APP: variants seen among roughly 807,000 people sequenced by gnomAD.
APP encodes the protein amyloid beta precursor protein, also known as amyloid-beta precursor protein.
A neutral mutation model predicts 101.4 loss-of-function variants in APP; 31 were observed. That is an observed-to-expected ratio of 0.31 (90% CI 0.23 to 0.41). APP has a LOEUF of 0.41. Among genes scored for constraint, APP ranks in the 10% least tolerant of loss-of-function variants. APP has a pLI of 1.00. For missense variants in APP, 839 were observed against 1,003.7 expected (o/e 0.84, Z 2.22); for synonymous variants, 366 against 364.4 (o/e 1.00, Z -0.05).
intron 11 of APP, among the ~76,000 whole-genome samples, chr21:25,968,496 G>A (rs1339232995): frequency 6.6e-6 from 1 of 151,854 alleles, no homozygotes; most frequent in Non-Finnish European, 1.5e-5. Context: ...GCCTATATAT[G>A]TATGACTCTA....
At chr21:26,094,730 TATC>T (rs1030573851) in intron 2 of APP, among the ~76,000 whole-genome samples, 3 of 151,544 alleles carry the variant, frequency 2.0e-5, no homozygotes, top group African/African-American at 7.2e-5. Context: ...TCCTGATTTT[TATC>T]ATAACTATAG....
intron 9 of APP, among the ~76,000 whole-genome samples, chr21:25,981,678 C>T (rs989460102): frequency 2.0e-5 from 3 of 148,158 alleles, no homozygotes; most frequent in African/African-American, 7.5e-5. Context: ...TAATTAAGGA[C>T]CTGCTAAAAA....
At chr21:25,911,589 T>G in intron 14 of APP, 152 bp downstream of exon 14, 1 of 671,740 alleles carries the variant, frequency 1.5e-6, no homozygotes, top group Non-Finnish European at 2.6e-6. Flanking sequence ...ATTTACTTTT[T>G]AAAGTAAAAT....
At chr21:25,909,179 C>A (rs1278146720) in intron 14 of APP, among the ~76,000 whole-genome samples, 5 of 148,368 alleles carry the variant, frequency 3.4e-5, no homozygotes, top group African/African-American at 5.0e-5. Context: ...AAGAAAATGG[C>A]ATGAACCTGG....
intron 1 of APP, among the ~76,000 whole-genome samples, chr21:26,121,536 C>T (rs752068411): frequency 1.7e-4 from 26 of 152,124 alleles, no homozygotes; most frequent in Non-Finnish European, 3.1e-4. Context: ...TACAGGCGCG[C>T]GTCACCACAC....
At chr21:26,147,450 A>G (rs1217518632) in intron 1 of APP, among the ~76,000 whole-genome samples, 1 of 152,190 alleles carries the variant, frequency 6.6e-6, no homozygotes, top group Non-Finnish European at 1.5e-5. Context: ...TATAAGCTTT[A>G]TTTTTATAAA....
chr21:26,097,266 G>A (rs552816895), intron 2 of APP, among the ~76,000 whole-genome samples: 5 of 152,210 alleles, frequency 3.3e-5, no homozygotes, highest in African/African-American at 1.2e-4. Flanking sequence ...TCTGCTGATG[G>A]GCTGTCTGTC....
rs896240396 is a variant in APP at position 26,170,452 on chromosome 21, T to C, written c.57+112A>G. On this transcript the variant is annotated intron_variant, in intron 1 of 17. Transcript: ENST00000346798. Reference sequence around the variant, plus strand: ...CAAGCGGGGGCGGAGAGGAGAGGGGTCCCATTGACGGACCCCCGGCTTCTC... The same window carrying C: ...CAAGCGGGGGCGGAGAGGAGAGGGGCCCCATTGACGGACCCCCGGCTTCTC... 19 of 1,125,608 alleles carry C rather than the reference T, an allele frequency of 1.7e-5. No homozygotes were observed. In the African/African-American group the frequency reaches 2.7e-4, roughly 16 times the overall value. The allele number at this position is 1,125,608 out of a possible 1,614,324, so 69.7% of individuals were successfully genotyped here. A position where few individuals can be genotyped will look rare whatever the true frequency, so the allele number is the denominator to read the frequency against.
intron 9 of APP, among the ~76,000 whole-genome samples, chr21:25,978,160 T>A (rs2042291947): frequency 6.6e-6 from 1 of 152,220 alleles, no homozygotes; most frequent in South Asian, 2.1e-4. Flanking sequence ...CAAATAAGCA[T>A]TACTATAGAA....
chr21:26,155,910 T>C (rs2063365256), intron 1 of APP, among the ~76,000 whole-genome samples: 1 of 145,774 alleles, frequency 6.9e-6, no homozygotes, highest in Non-Finnish European at 1.5e-5. Context: ...GGGAGGAGAA[T>C]GGCGTGAACC....
intron 11 of APP, among the ~76,000 whole-genome samples, chr21:25,955,977 G>A (rs990294002): frequency 2.6e-5 from 4 of 151,966 alleles, no homozygotes; most frequent in African/African-American, 9.7e-5. Flanking sequence ...TAACATTCTC[G>A]ACATATATGA....
chr21:25,980,265 T>C (rs1057378278), intron 9 of APP, among the ~76,000 whole-genome samples: 3 of 152,206 alleles, frequency 2.0e-5, no homozygotes, highest in African/African-American at 7.2e-5. Flanking sequence ...GTGTTTATTT[T>C]TGTCATTGTT....
chr21:26,029,726 C>T (rs1294673700), intron 5 of APP, among the ~76,000 whole-genome samples: 1 of 152,076 alleles, frequency 6.6e-6, no homozygotes, highest in Non-Finnish European at 1.5e-5. Context: ...CTGCAACCCG[C>T]AACTTGTTCT....
chr21:26,110,363 T>C (rs1045011567), intron 2 of APP, among the ~76,000 whole-genome samples: 3 of 152,054 alleles, frequency 2.0e-5, no homozygotes, highest in African/African-American at 7.2e-5. Flanking sequence ...GGAGAATCAT[T>C]TATACCCGGG....
intron 1 of APP, among the ~76,000 whole-genome samples, chr21:26,125,439 T>C (rs1456030766): frequency 4.6e-5 from 7 of 152,156 alleles, no homozygotes; most frequent in Admixed American, 4.6e-4. Context: ...AATTAAACAT[T>C]TTTGAGGGCT....
intron 3 of APP, among the ~76,000 whole-genome samples, chr21:26,057,844 T>C (rs1218419416): frequency 1.3e-5 from 2 of 152,258 alleles, no homozygotes; most frequent in African/African-American, 2.4e-5. Flanking sequence ...CTTTGGCTTT[T>C]ACAAAAGTAG....
At chr21:26,054,630 T>TG (rs1161374097) in intron 3 of APP, among the ~76,000 whole-genome samples, 13 of 143,092 alleles carry the variant, frequency 9.1e-5, no homozygotes, top group Admixed American at 1.4e-4. Context: ...GTTTTTTTTT[T>TG]TTTTTTTTTT....
chr21:26,094,107 T>C (rs1482550425), intron 2 of APP, among the ~76,000 whole-genome samples: 2 of 145,274 alleles, frequency 1.4e-5, no homozygotes, highest in African/African-American at 5.1e-5. Flanking sequence ...AGAGCGAGAC[T>C]CGGTCTCAAA....
At position 26,106,468 on chromosome 21, in the gene APP, TC is replaced by T. The variant is rs2062185568; in HGVS notation, c.225+5510del. On this transcript the variant is annotated intron_variant, in intron 2 of 17. Coordinates refer to ENST00000346798, the MANE Select transcript of APP (RefSeq NM_000484.4). ...CATTCTTCCTCAGAAAAGGAGATGTTCCCTCCCCTTTCCAAGACCCAGGCAA... is the reference window on the plus strand; with the variant it reads ...CATTCTTCCTCAGAAAAGGAGATGTTCCTCCCCTTTCCAAGACCCAGGCAA... Among the ~76,000 whole-genome samples, 3 of 152,090 alleles carry T rather than the reference TC, an allele frequency of 2.0e-5. No homozygotes were observed. In the East Asian group the frequency reaches 5.8e-4, roughly 29 times the overall value.
Sources: allele counts gnomAD v4.1 joint callset (sites outside exome capture counted in the v4.1 genomes callset), GRCh38; gene constraint gnomAD v4.1.1; transcripts MANE v1.5; gene names NCBI Gene and HGNC (gene_info 2026-07-23, HGNC 2026-07-21).